The following PACRGL variants were observed in gnomAD, a reference collection of about 807,000 sequenced individuals.
PACRGL encodes parkin coregulated like, also known as PACRG-like protein.
A neutral mutation model predicts 34.5 loss-of-function variants in PACRGL; 38 were observed. The observed-to-expected ratio is 1.10, with a 90% CI of 0.85 to 1.44. The LOEUF (loss-of-function observed/expected upper bound fraction) is 1.44. Ranked by LOEUF, PACRGL falls within the 40% of genes most tolerant of loss-of-function variation. The probability of loss-of-function intolerance (pLI) is 0.00; values close to 1 mark genes in which losing one functional copy is unlikely to be tolerated. For missense variants in PACRGL, 305 were observed against 281.4 expected (o/e 1.08, Z -0.60); for synonymous variants, 128 against 100.1 (o/e 1.28, Z -1.66).
At chr4:20,710,415 T>C (rs112926033) in intron 5 of PACRGL, among the ~76,000 whole-genome samples, 2 of 152,346 alleles carry the variant, frequency 1.3e-5, no homozygotes, top group African/African-American at 4.8e-5. Flanking sequence ...AGTAGAGAAA[T>C]GAATTAACCA....
chr4:20,756,790 C>T (rs767364996), downstream of PACRGL, among the ~76,000 whole-genome samples: 2 of 152,038 alleles, frequency 1.3e-5, no homozygotes, highest in Admixed American at 6.6e-5. Flanking sequence ...CTATCTATCT[C>T]TCTTGTGTTT....
intron 7 of PACRGL, chr4:20,716,021 T>C (rs1739787709): frequency 1.5e-6 from 2 of 1,304,414 alleles, no homozygotes; most frequent in Admixed American, 2.7e-5. Flanking sequence ...TTCATTGCGA[T>C]GTTTTAGTGA....
Position 20,704,444 on chromosome 4 carries a change from CTTTTTT to C in PACRGL, c.-16-15_-16-10del. 1 of 1,271,778 alleles carries C rather than the reference CTTTTTT, an allele frequency of 7.9e-7. No individual in the cohort carries two copies. Among genetic ancestry groups the C allele is most frequent in the Non-Finnish European group, 1.1e-6 (1 of 908,654 alleles). The allele number at this position is 1,271,778 out of a possible 1,614,324, so 78.8% of individuals were successfully genotyped here. A position where few individuals can be genotyped will look rare whatever the true frequency, so the allele number is the denominator to read the frequency against. On this transcript the variant is annotated splice_polypyrimidine_tract_variant and intron_variant, in intron 1 of 8. Coordinates refer to ENST00000503585, the MANE Select transcript of PACRGL (RefSeq NM_001258345.3). ...CCCTCCAAACAAATTTTGAAATCAACTTTTTTTTTTTTAAACTGCAGGAGTGAAAGG... is the reference window on the plus strand; with the variant it reads ...CCCTCCAAACAAATTTTGAAATCAACTTTTTTAAACTGCAGGAGTGAAAGG...
intron 8 of PACRGL, among the ~76,000 whole-genome samples, chr4:20,748,226 G>A (rs1350358207): frequency 1.3e-5 from 2 of 151,960 alleles, no homozygotes; most frequent in African/African-American, 4.8e-5. Context: ...CTTCGCTCTT[G>A]GCTCTCCAAT....
the PACRGL span, chr4:20,766,778 T>C: frequency 2.0e-5 from 3 of 152,172 alleles, no homozygotes; most frequent in African/African-American, 7.2e-5. Flanking sequence ...ATACAATAGC[T>C]GGTAATTTTT....
upstream of PACRGL, among the ~76,000 whole-genome samples, chr4:20,698,347 A>G (rs1421483432): frequency 6.6e-6 from 1 of 152,224 alleles, no homozygotes; most frequent in African/African-American, 2.4e-5. Context: ...ATTAAACCTT[A>G]AAACCTGAAT....
intron 4 of PACRGL, among the ~76,000 whole-genome samples, chr4:20,708,613 C>G (rs1417470057): frequency 1.3e-5 from 2 of 152,110 alleles, no homozygotes; most frequent in Non-Finnish European, 2.9e-5. Context: ...CTCCCCACCC[C>G]TCCAAAACTT....
chr4:20,706,294 T>C (rs546819424), intron 3 of PACRGL, among the ~76,000 whole-genome samples: 25 of 152,264 alleles, frequency 1.6e-4, no homozygotes, highest in African/African-American at 6.0e-4. Context: ...GTGGGTATAT[T>C]GAAATTTTAG....
At position 20,750,244 on chromosome 4, in the gene PACRGL, G is replaced by A. The variant is rs556401803; in HGVS notation, c.*57-2321G>A. 1.0e-3 allele frequency among the ~76,000 whole-genome samples: 159 copies of A among 152,288 alleles called. 1 individual carries two copies. The highest frequency in any genetic ancestry group is 3.6e-3 in the African/African-American group (148 of 41,548). On this transcript the variant is annotated intron_variant, in intron 8 of 8. Transcript: ENST00000507634. ...TACCCAAAGTCACACAGTGAAGAAG[G>A]AGTAAATCTGGGACATGAACTTAGG... is the stretch of plus-strand genomic sequence containing the variant.
intron 7 of PACRGL, among the ~76,000 whole-genome samples, chr4:20,717,090 T>G (rs1429536878): frequency 6.6e-6 from 1 of 152,188 alleles, no homozygotes; most frequent in African/African-American, 2.4e-5. Context: ...CCAGTGATGA[T>G]GAGCATTTTT....
intron 7 of PACRGL, among the ~76,000 whole-genome samples, chr4:20,720,069 C>G (rs547702933): frequency 6.6e-6 from 1 of 152,174 alleles, no homozygotes; most frequent in Non-Finnish European, 1.5e-5. Flanking sequence ...GAATTGATCC[C>G]TTTACCATTA....
rs140659929 is a variant in PACRGL at position 20,731,699 on chromosome 4, A to T, written c.*4358A>T. 1.0e-6 allele frequency: 1 copy of T among 985,218 alleles called. No homozygotes were observed. The highest frequency in any genetic ancestry group is 1.7e-5 in the African/African-American group (1 of 57,230). 61.0% of individuals were successfully genotyped at this position (985,218 alleles called of 1,614,324 possible). A position where few individuals can be genotyped will look rare whatever the true frequency, so the allele number is the denominator to read the frequency against. On this transcript the variant is annotated 3_prime_UTR_variant, in exon 9 of 9. Coordinates refer to ENST00000503585, the MANE Select transcript of PACRGL (RefSeq NM_001258345.3). Reference sequence around the variant, plus strand: ...TGATGCTAAGTTTTGGCAAAGAGCAATTCAAATCTCATGTATGTTTTATCC... The same window carrying T: ...TGATGCTAAGTTTTGGCAAAGAGCATTTCAAATCTCATGTATGTTTTATCC...
chr4:20,733,233 A>G (rs530309658), downstream of PACRGL, among the ~76,000 whole-genome samples: 2 of 152,320 alleles, frequency 1.3e-5, no homozygotes, highest in East Asian at 1.9e-4. Context: ...GGTAAGTCTT[A>G]AGGTTCATTA....
intron 7 of PACRGL, 113 bp downstream of exon 7, chr4:20,713,652 C>T: frequency 1.2e-5 from 9 of 777,768 alleles, no homozygotes; most frequent in African/African-American, 1.7e-5. Context: ...AAATCTCCCT[C>T]TACACACTGC....
chr4:20,720,636 G>C (rs942372700), intron 7 of PACRGL, among the ~76,000 whole-genome samples: 1 of 152,168 alleles, frequency 6.6e-6, no homozygotes, highest in Non-Finnish European at 1.5e-5. Context: ...TTTTCTTTAA[G>C]GATGTTGAAT....
chr4:20,723,516 A>T (rs1400966654), intron 7 of PACRGL, among the ~76,000 whole-genome samples: 1 of 152,068 alleles, frequency 6.6e-6, no homozygotes, highest in African/African-American at 2.4e-5. Context: ...ATGGAGTCAA[A>T]GGGATGTGAT....
intron 3 of PACRGL, 87 bp downstream of exon 3, chr4:20,704,901 T>C: frequency 6.9e-7 from 1 of 1,453,220 alleles, no homozygotes; most frequent in South Asian, 1.2e-5. Context: ...TGTTGAGTTT[T>C]GTCCCTTTGC....
intron 8 of PACRGL, among the ~76,000 whole-genome samples, chr4:20,746,229 G>C (rs1302920206): frequency 6.6e-6 from 1 of 152,152 alleles, no homozygotes; most frequent in Non-Finnish European, 1.5e-5. Context: ...CCTTTGTGGG[G>C]AATGAAGCTG....
At chr4:20,750,309 A>AC (rs1263322766) in intron 8 of PACRGL, among the ~76,000 whole-genome samples, 1 of 152,100 alleles carries the variant, frequency 6.6e-6, no homozygotes, top group Non-Finnish European at 1.5e-5. Flanking sequence ...CTCAGCCAGT[A>AC]CCAGGCTAGC....
Sources: gnomAD v4.1 joint callset for allele counts (sites outside exome capture counted in the v4.1 genomes callset) on GRCh38, gnomAD v4.1.1 for gene constraint, MANE v1.5 for transcripts, NCBI Gene and HGNC (gene_info 2026-07-23, HGNC 2026-07-21) for gene names.